The following ATE1 variants were observed in gnomAD, a reference collection of about 807,000 sequenced individuals.
ATE1 encodes arginyl-tRNA--protein transferase 1.
In ATE1, 36 loss-of-function variants were observed where a neutral mutation model predicts 70.5. The observed-to-expected ratio is 0.51, with a 90% confidence interval of 0.39 to 0.67. The LOEUF (loss-of-function observed/expected upper bound fraction) is 0.67, where lower values mean the gene tolerates loss of function less well. ATE1 is among the 30% of genes least tolerant of loss of function. The pLI is 0.00. For synonymous variants in ATE1, 232 were observed against 219.3 expected (o/e 1.06, Z -0.51); for missense variants, 593 against 629.5 (o/e 0.94, Z 0.62).
intron 11 of ATE1, among the ~76,000 whole-genome samples, chr10:121,778,399 T>G (rs1431180252): frequency 6.6e-6 from 1 of 152,190 alleles, no homozygotes; most frequent in Non-Finnish European, 1.5e-5. Flanking sequence ...TTCTATTTAT[T>G]CTCCATAATG....
At chr10:121,915,570 G>A (rs1037781502) in intron 3 of ATE1, among the ~76,000 whole-genome samples, 3 of 152,174 alleles carry the variant, frequency 2.0e-5, no homozygotes, top group Admixed American at 6.5e-5. Flanking sequence ...AACTGACTAT[G>A]AAATGTAGAA....
chr10:121,874,866 C>T (rs1171480914), intron 7 of ATE1, among the ~76,000 whole-genome samples: 3 of 146,644 alleles, frequency 2.0e-5, no homozygotes, highest in Non-Finnish European at 3.0e-5. Flanking sequence ...ATTAGCCAGG[C>T]GTGGTGGCTC....
intron 8 of ATE1, among the ~76,000 whole-genome samples, chr10:121,853,862 T>C (rs751189081): frequency 4.3e-4 from 65 of 152,182 alleles, no homozygotes; most frequent in Non-Finnish European, 8.2e-4. Context: ...GAGGGTTTGT[T>C]ACTCATAAAT....
chr10:121,926,801 A>G, intron 1 of ATE1: 2 of 985,404 alleles, frequency 2.0e-6, no homozygotes, highest in Non-Finnish European at 2.4e-6. Context: ...CGCATAAGCC[A>G]TTTGCATCCT....
At chr10:121,925,645 T>C (rs1330565787) in intron 1 of ATE1, among the ~76,000 whole-genome samples, 1 of 151,416 alleles carries the variant, frequency 6.6e-6, no homozygotes. Context: ...AAGGCCAACA[T>C]GGAAGATCAC....
chr10:121,859,343 G>A (rs1489220130), intron 8 of ATE1, among the ~76,000 whole-genome samples: 2 of 148,904 alleles, frequency 1.3e-5, no homozygotes, highest in African/African-American at 2.5e-5. Flanking sequence ...TGCAAGCTCC[G>A]CCTCCCGGGT....
chr10:121,755,158 T>C (rs1944744402), intron 11 of ATE1, among the ~76,000 whole-genome samples: 1 of 152,242 alleles, frequency 6.6e-6, no homozygotes, highest in East Asian at 1.9e-4. Flanking sequence ...TGTGTATGTG[T>C]GTATGCATTT....
chr10:121,916,457 C>T (rs1401942125), intron 3 of ATE1, among the ~76,000 whole-genome samples: 1 of 152,136 alleles, frequency 6.6e-6, no homozygotes, highest in African/African-American at 2.4e-5. Context: ...AAATGTAACT[C>T]TTATGCACTT....
At chr10:121,862,033 C>T (rs1331588889) in intron 8 of ATE1, among the ~76,000 whole-genome samples, 1 of 152,126 alleles carries the variant, frequency 6.6e-6, no homozygotes, top group African/African-American at 2.4e-5. Context: ...CACAGCTGAG[C>T]CTCCCAGGCC....
intron 10 of ATE1, among the ~76,000 whole-genome samples, chr10:121,829,450 A>AAC (rs1264809922): frequency 6.8e-6 from 1 of 147,930 alleles, no homozygotes; most frequent in Non-Finnish European, 1.5e-5. Flanking sequence ...AAAGGAAAGA[A>AAC]AAAAAAAATC....
chr10:121,751,833 T>C (rs1944590586), intron 11 of ATE1, among the ~76,000 whole-genome samples: 2 of 151,620 alleles, frequency 1.3e-5, no homozygotes, highest in Non-Finnish European at 1.5e-5. Context: ...CAATTTTTTT[T>C]CTTTTGTTGC....
At chr10:121,873,596 TA>T (rs1017247558) in intron 7 of ATE1, among the ~76,000 whole-genome samples, 4 of 151,110 alleles carry the variant, frequency 2.6e-5, no homozygotes, top group African/African-American at 7.3e-5. Flanking sequence ...TTTCTAAGTA[TA>T]GGGGTAGGGG....
chr10:121,817,113 C>T (rs944090203), intron 10 of ATE1, among the ~76,000 whole-genome samples: 1 of 152,210 alleles, frequency 6.6e-6, no homozygotes, highest in Non-Finnish European at 1.5e-5. Context: ...AAGTGTCAAA[C>T]AATGCCACTT....
intron 9 of ATE1, 54 bp from the exon 10 acceptor site, chr10:121,836,871 CA>C: frequency 9.3e-7 from 1 of 1,077,262 alleles, no homozygotes; most frequent in African/African-American, 1.6e-5. Flanking sequence ...TTCTAATGTA[CA>C]AATATCTGTG....
chr10:121,928,264 G>C, upstream of ATE1: 1 of 1,427,062 alleles, frequency 7.0e-7, no homozygotes, highest in Non-Finnish European at 9.3e-7. Flanking sequence ...AGCGGGAGTC[G>C]GGGTGCGAGC....
At chr10:121,746,879 G>A (rs754256878) in intron 11 of ATE1, among the ~76,000 whole-genome samples, 9 of 152,112 alleles carry the variant, frequency 5.9e-5, no homozygotes, top group African/African-American at 1.9e-4. Flanking sequence ...CTCTTCTTCC[G>A]ACATCTAAAT....
rs192151716 is a variant in ATE1, at chr10:121,745,493, A to G, written c.1379-1635T>C. Among the ~76,000 whole-genome samples the G allele has an allele frequency of 1.5e-3, 222 of 152,224 alleles. 1 individual carries two copies. Among genetic ancestry groups the G allele is most frequent in the South Asian group, 7.9e-3 (38 of 4,820 alleles). ...GCACTTTGGGAGGCCAAGGTGGGCAAATCACGAGGTCAGGAGATCGACACC... is the reference window on the plus strand; with the variant it reads ...GCACTTTGGGAGGCCAAGGTGGGCAGATCACGAGGTCAGGAGATCGACACC... On this transcript the variant is annotated intron_variant, in intron 11 of 11. Transcript: ENST00000224652.
chr10:121,769,013 CT>C (rs373272089), intron 11 of ATE1, among the ~76,000 whole-genome samples: 125,712 of 151,416 alleles, frequency 0.83, 52,548 homozygotes, highest in Non-Finnish European at 0.89. Context: ...CCTATCAAGT[CT>C]CTGTAAGAAT....
At chr10:121,858,594 C>T (rs1949335386) in intron 8 of ATE1, among the ~76,000 whole-genome samples, 1 of 146,318 alleles carries the variant, frequency 6.8e-6, no homozygotes, top group Non-Finnish European at 1.5e-5. Flanking sequence ...AAAACAATGA[C>T]CATAATTAAA....
Sources: allele counts gnomAD v4.1 joint callset (sites outside exome capture counted in the v4.1 genomes callset), GRCh38; gene constraint gnomAD v4.1.1; transcripts MANE v1.5; gene names NCBI Gene and HGNC (gene_info 2026-07-23, HGNC 2026-07-21).